NFASC: variants seen among roughly 807,000 people sequenced by gnomAD.
NFASC encodes the protein neurofascin, also known as neurofascin homolog.
In NFASC, 43 loss-of-function variants were observed where a neutral mutation model predicts 147.5. The observed-to-expected ratio is 0.29, with a 90% CI of 0.23 to 0.38. NFASC has a LOEUF of 0.38. Among genes scored for constraint, NFASC ranks in the 10% least tolerant of loss-of-function variants. The probability of loss-of-function intolerance (pLI) is 1.00; values close to 1 mark genes in which losing one functional copy is unlikely to be tolerated. For missense variants in NFASC, 1,320 were observed against 1,689.0 expected, an observed-to-expected ratio of 0.78 and a Z score of 3.83; for synonymous variants, 622 against 665.5, an observed-to-expected ratio of 0.93 and a Z score of 1.01.
In NFASC at chr1:204,968,587, G is replaced by A. The variant is rs1573901797; in HGVS notation, c.819-211G>A. On this transcript the variant is annotated intron_variant, in intron 9 of 29. Transcript: ENST00000339876. The surrounding 1 kb of genome is among the most constrained non-coding windows in gnomAD (Gnocchi z 5.4). Reference sequence around the variant, plus strand: ...AAAGAAGGTGATTAGGCATCCCGTAGATGCGTTAGAATCTCGTGGGACCTT... The same window carrying A: ...AAAGAAGGTGATTAGGCATCCCGTAAATGCGTTAGAATCTCGTGGGACCTT... 4 of 615,494 alleles carry A rather than the reference G, an allele frequency of 6.5e-6. No individual in the cohort carries two copies. The highest frequency in any genetic ancestry group is 1.8e-5 in the African/African-American group (1 of 54,144). 38.1% of individuals were successfully genotyped at this position (615,494 alleles called of 1,614,324 possible).
At chr1:204,909,545 C>T (rs189729358) in intron 1 of NFASC, among the ~76,000 whole-genome samples, 5 of 152,290 alleles carry the variant, frequency 3.3e-5, no homozygotes, top group African/African-American at 7.2e-5. Flanking sequence ...CATCTTCTTT[C>T]GCAGATAAAA....
At chr1:204,905,406 T>C (rs775123920) in intron 1 of NFASC, among the ~76,000 whole-genome samples, 21 of 152,126 alleles carry the variant, frequency 1.4e-4, no homozygotes, top group Non-Finnish European at 2.8e-4. Flanking sequence ...CTAATAGATA[T>C]GAGAAGGTGT....
intron 1 of NFASC, among the ~76,000 whole-genome samples, chr1:204,890,986 G>A (rs1289125047): frequency 6.6e-6 from 1 of 152,206 alleles, no homozygotes; most frequent in Non-Finnish European, 1.5e-5. Context: ...CAAGGATAGT[G>A]GGATGAGCCA....
chr1:204,905,781 T>C (rs1572802066), intron 1 of NFASC, among the ~76,000 whole-genome samples: 1 of 152,326 alleles, frequency 6.6e-6, no homozygotes, highest in African/African-American at 2.4e-5. Flanking sequence ...GTCTCATGGG[T>C]ATATATCTAG....
At chr1:204,951,678 C>A (rs150230122) in intron 4 of NFASC, among the ~76,000 whole-genome samples, 1 of 151,610 alleles carries the variant, frequency 6.6e-6, no homozygotes, top group Non-Finnish European at 1.5e-5. Flanking sequence ...ACCGTGTTAG[C>A]CAGGATGGTC....
At chr1:204,993,786 G>A (rs780931178) in intron 24 of NFASC, 6 of 517,952 alleles carry the variant, frequency 1.2e-5, no homozygotes, top group South Asian at 5.6e-5. Flanking sequence ...GCCCAGCCTG[G>A]TGCTGCTCTG....
intron 8 of NFASC, among the ~76,000 whole-genome samples, chr1:204,960,194 C>T (rs1048427324): frequency 1.3e-5 from 2 of 152,230 alleles, no homozygotes; most frequent in African/African-American, 4.8e-5. Context: ...TCACCAGGCA[C>T]TCCTGTCACA....
intron 1 of NFASC, among the ~76,000 whole-genome samples, chr1:204,915,571 A>G (rs1003051692): frequency 6.6e-6 from 1 of 152,280 alleles, no homozygotes; most frequent in South Asian, 2.1e-4. Context: ...AGTATACTGT[A>G]TATAGTTTTG....
rs2096392783 is a variant in NFASC, at chr1:205,020,427, C to T, written c.*3888C>T. On this transcript the variant is annotated 3_prime_UTR_variant, in exon 30 of 30. Transcript: ENST00000339876. ...CAACATTGTCTTGGAGAGGGTTAGT[C>T]CACATCCAAGTTGCGTGAGATAAGA... is the stretch of plus-strand genomic sequence containing the variant. The T allele has an allele frequency of 1.3e-5, 2 of 152,248 alleles. No individual in the cohort carries two copies. The highest frequency in any genetic ancestry group is 4.8e-5 in the African/African-American group (2 of 41,444). The allele number at this position is 152,248 out of a possible 1,614,324, so 9.4% of individuals were successfully genotyped here.
chr1:204,879,539 C>G (rs1037170867), intron 1 of NFASC, among the ~76,000 whole-genome samples: 1 of 152,184 alleles, frequency 6.6e-6, no homozygotes, highest in African/African-American at 2.4e-5. Context: ...TAACGGGAAC[C>G]ATCCCTTAGG....
chr1:204,967,330 A>T (rs1489994257), intron 8 of NFASC, among the ~76,000 whole-genome samples: 4 of 152,046 alleles, frequency 2.6e-5, no homozygotes, highest in African/African-American at 9.7e-5. Flanking sequence ...GAGCTATACA[A>T]AGAGCTCTGG....
intron 1 of NFASC, among the ~76,000 whole-genome samples, chr1:204,881,435 T>C (rs535369741): frequency 6.6e-6 from 1 of 152,350 alleles, no homozygotes; most frequent in Non-Finnish European, 1.5e-5. Flanking sequence ...ACCAACCAAA[T>C]AGAGCCTGCT....
chr1:204,934,886 C>A (rs772510878), intron 2 of NFASC, among the ~76,000 whole-genome samples: 1 of 152,082 alleles, frequency 6.6e-6, no homozygotes, highest in Non-Finnish European at 1.5e-5. Context: ...GCACTGTGGA[C>A]GGGAGGAGGA....
Position 204,997,479 on chromosome 1 carries a change from G to T in NFASC, c.3019+73G>T. ...CAGCGGCCTCCAGACGAACCCACAG[G>T]CTCCCCCAGCGAGGAGGTGGGGTCT... On this transcript the variant is annotated intron_variant, in intron 25 of 29. Transcript: ENST00000339876. 3 of 1,516,136 alleles carry T rather than the reference G, an allele frequency of 2.0e-6. No individual in the cohort carries two copies. The African/African-American group carries it at 4.1e-5, about 21-fold the overall frequency. 93.9% of individuals were successfully genotyped at this position (1,516,136 alleles called of 1,614,324 possible). A position where few individuals can be genotyped will look rare whatever the true frequency, so the allele number is the denominator to read the frequency against.
intron 2 of NFASC, among the ~76,000 whole-genome samples, chr1:204,928,461 A>G (rs1444482349): frequency 6.6e-6 from 1 of 152,166 alleles, no homozygotes; most frequent in Non-Finnish European, 1.5e-5. Flanking sequence ...AGGGACACCT[A>G]TGCACTTTGG....
chr1:204,861,520 C>T (rs991018881), intron 1 of NFASC, among the ~76,000 whole-genome samples: 8 of 152,224 alleles, frequency 5.3e-5, no homozygotes, highest in Middle Eastern at 3.4e-3. Flanking sequence ...GACGGAGTCT[C>T]GCTCTGTTGC....
intron 24 of NFASC, 63 bp from the exon 25 acceptor site, chr1:204,997,107 C>T (rs762590820): frequency 2.2e-5 from 34 of 1,561,696 alleles, no homozygotes; most frequent in East Asian, 9.0e-5. Context: ...ACGCGGGGGC[C>T]GTGTGTCCAG....
At chr1:204,897,377 C>G (rs373506052) in intron 1 of NFASC, among the ~76,000 whole-genome samples, 1 of 151,996 alleles carries the variant, frequency 6.6e-6, no homozygotes, top group Non-Finnish European at 1.5e-5. Context: ...GAGGAAACCC[C>G]GGAGCAAGGC....
intron 8 of NFASC, among the ~76,000 whole-genome samples, chr1:204,963,205 G>A (rs2094774695): frequency 6.6e-6 from 1 of 152,208 alleles, no homozygotes; most frequent in African/African-American, 2.4e-5. Context: ...TTGGCACCAA[G>A]CAGCTAGAAC....
Sources: allele counts gnomAD v4.1 joint callset (sites outside exome capture counted in the v4.1 genomes callset), GRCh38; gene constraint gnomAD v4.1.1; non-coding constraint Gnocchi (gnomAD v3.1); transcripts MANE v1.5; gene names NCBI Gene and HGNC (gene_info 2026-07-23, HGNC 2026-07-21).